KLHL14: variants seen among roughly 807,000 people sequenced by gnomAD.
KLHL14 encodes kelch like family member 14.
KLHL14 carries 22 observed loss-of-function variants against 64.3 expected under a neutral mutation model. That is an observed-to-expected ratio of 0.34 (90% confidence interval 0.24 to 0.49). KLHL14 has a LOEUF of 0.49. KLHL14 is among the 20% of genes least tolerant of loss of function. The pLI, the probability that KLHL14 is intolerant of heterozygous loss-of-function variation, is 0.99. For synonymous variants in KLHL14, 322 were observed against 333.4 expected, an observed-to-expected ratio of 0.97 and a Z score of 0.37; for missense variants, 661 against 789.0, an observed-to-expected ratio of 0.84 and a Z score of 1.94.
chr18:32,686,177 A>ATTTTTTTTTTTTTTTTTTTTTTTTTTTTT (rs148393455), intron 5 of KLHL14, among the ~76,000 whole-genome samples: 1 of 107,674 alleles, frequency 9.3e-6, no homozygotes. Context: ...GTGCCCGGCT[A>ATTTTTTTTTTTTTTTTTTTTTTTTTTTTT]TTTTTTTTTT....
chr18:32,746,368 C>T (rs1035598408), intron 2 of KLHL14, among the ~76,000 whole-genome samples: 1 of 152,226 alleles, frequency 6.6e-6, no homozygotes, highest in Non-Finnish European at 1.5e-5. Context: ...CCATGTGTCA[C>T]ATTTGGGCGT....
At chr18:32,684,309 T>C (rs1260154931) in intron 5 of KLHL14, among the ~76,000 whole-genome samples, 2 of 152,230 alleles carry the variant, frequency 1.3e-5, no homozygotes, top group East Asian at 1.9e-4. Flanking sequence ...TGAGTGAGTC[T>C]GAAGGCCATG....
At chr18:32,706,630 TCCC>T (rs1198419622) in intron 3 of KLHL14, among the ~76,000 whole-genome samples, 1 of 152,158 alleles carries the variant, frequency 6.6e-6, no homozygotes, top group African/African-American at 2.4e-5. Context: ...GATAACTTGG[TCCC>T]TAAACTGGTT....
At chr18:32,724,657 C>G (rs1035993334) in intron 3 of KLHL14, among the ~76,000 whole-genome samples, 5 of 152,154 alleles carry the variant, frequency 3.3e-5, no homozygotes, top group Non-Finnish European at 7.3e-5. Flanking sequence ...GCACAGAGCA[C>G]AATGTCTTGT....
At chr18:32,746,627 A>G (rs1159138852) in intron 2 of KLHL14, among the ~76,000 whole-genome samples, 1 of 152,254 alleles carries the variant, frequency 6.6e-6, no homozygotes, top group Non-Finnish European at 1.5e-5. Context: ...TTGCAAAAAA[A>G]CTTTTAACCT....
At position 32,683,198 on chromosome 18, in the gene KLHL14, C is replaced by T. The variant is rs1598546686; in HGVS notation, c.1239-2599G>A. Among the ~76,000 whole-genome samples the T allele has an allele frequency of 6.6e-6, 1 of 152,202 alleles. No individual in the cohort carries two copies. Among genetic ancestry groups the T allele is most frequent in the Non-Finnish European group, 1.5e-5 (1 of 68,014 alleles). On this transcript the variant is annotated intron_variant, in intron 5 of 8. Transcript: ENST00000359358. This position sits in a 1 kb window ranked among gnomAD's most constrained non-coding sequence, Gnocchi z 4.2. ...GTCAGAACCTGCTCTCTTTTCTAGC[C>T]AAGGCGTTCTTCATGCGACACTTCG...
intron 2 of KLHL14, chr18:32,745,079 G>T (rs576636979): frequency 6.6e-6 from 1 of 152,322 alleles, no homozygotes; most frequent in South Asian, 2.1e-4. Flanking sequence ...ACCCTCAATG[G>T]CTGTGTGTTT....
chr18:32,698,832 C>T (rs996415886), intron 3 of KLHL14, among the ~76,000 whole-genome samples: 6 of 152,070 alleles, frequency 3.9e-5, no homozygotes, highest in Non-Finnish European at 7.4e-5. Flanking sequence ...CATTTTTGCC[C>T]GTTCCACTCC....
At chr18:32,741,369 A>C (rs1284873212) in intron 3 of KLHL14, among the ~76,000 whole-genome samples, 2 of 152,218 alleles carry the variant, frequency 1.3e-5, no homozygotes, top group Admixed American at 1.3e-4. Context: ...AATCCTGGGT[A>C]GAAGTTTGCA....
intron 2 of KLHL14, among the ~76,000 whole-genome samples, chr18:32,769,364 T>A: frequency 6.6e-6 from 1 of 152,196 alleles, no homozygotes; most frequent in East Asian, 1.9e-4. Flanking sequence ...CCTGTCAATT[T>A]CAGTCTGAGT....
At chr18:32,675,157 C>T (rs1468222592) in intron 8 of KLHL14, among the ~76,000 whole-genome samples, 2 of 152,018 alleles carry the variant, frequency 1.3e-5, no homozygotes, top group African/African-American at 2.4e-5. Context: ...GGTTTGAGAC[C>T]AGCCTGGGCA....
At chr18:32,720,298 A>G (rs1044183204) in intron 3 of KLHL14, among the ~76,000 whole-genome samples, 8 of 152,196 alleles carry the variant, frequency 5.3e-5, no homozygotes, top group Non-Finnish European at 1.2e-4. Flanking sequence ...GAATGGGATG[A>G]GGAAATGGAT....
intron 5 of KLHL14, among the ~76,000 whole-genome samples, chr18:32,685,307 T>A (rs1370867430): frequency 6.6e-6 from 1 of 152,114 alleles, no homozygotes; most frequent in East Asian, 1.9e-4. Context: ...TTTGCAGCAA[T>A]ACTTCCCATC....
At chr18:32,699,093 A>C (rs1221120147) in intron 3 of KLHL14, among the ~76,000 whole-genome samples, 1 of 152,128 alleles carries the variant, frequency 6.6e-6, no homozygotes, top group Non-Finnish European at 1.5e-5. Flanking sequence ...AAGGCCATAC[A>C]AATCTCAGTT....
chr18:32,751,782 TAGTA>T lies in KLHL14; in HGVS notation c.948-9737_948-9734del, dbSNP rs1462715382. On this transcript the variant is annotated intron_variant, in intron 2 of 8. Transcript: ENST00000359358. ...TTAAAAGCAAGAAGAACTTACTACATAGTAGGTGCTCAATAAATGTTTGTTGTAT... is the reference window on the plus strand; with the variant it reads ...TTAAAAGCAAGAAGAACTTACTACATGGTGCTCAATAAATGTTTGTTGTAT... 5.3e-5 allele frequency among the ~76,000 whole-genome samples: 8 copies of T among 152,318 alleles called. No individual in the cohort carries two copies. The East Asian group carries it at 7.7e-4, about 15-fold the overall frequency.
At chr18:32,721,583 C>T (rs1257847373) in intron 3 of KLHL14, among the ~76,000 whole-genome samples, 2 of 152,132 alleles carry the variant, frequency 1.3e-5, no homozygotes, top group African/African-American at 2.4e-5. Context: ...TCTGTTCACT[C>T]GAGAGAAGGG....
chr18:32,748,255 A>G, intron 2 of KLHL14, among the ~76,000 whole-genome samples: 1 of 152,112 alleles, frequency 6.6e-6, no homozygotes, highest in African/African-American at 2.4e-5. Flanking sequence ...TCAGTTGCCC[A>G]GGCTTCTGGA....
intron 3 of KLHL14, among the ~76,000 whole-genome samples, chr18:32,734,884 C>CTA (rs1555664387): frequency 2.0e-5 from 3 of 150,704 alleles, no homozygotes; most frequent in African/African-American, 7.3e-5. Flanking sequence ...AGATGTTACT[C>CTA]TGTGTGTGTG....
chr18:32,761,130 G>T (rs1471289862), intron 2 of KLHL14, among the ~76,000 whole-genome samples: 2 of 152,288 alleles, frequency 1.3e-5, no homozygotes, highest in African/African-American at 4.8e-5. Flanking sequence ...TACAAATGCT[G>T]CTAAGTATTT....
Sources: gnomAD v4.1 joint callset for allele counts (sites outside exome capture counted in the v4.1 genomes callset) on GRCh38, gnomAD v4.1.1 for gene constraint, Gnocchi (gnomAD v3.1) non-coding constraint, MANE v1.5 for transcripts, NCBI Gene and HGNC (gene_info 2026-07-23, HGNC 2026-07-21) for gene names.